The following AATF variants were observed in gnomAD, a reference collection of about 807,000 sequenced individuals.
The protein encoded by AATF is protein AATF.
A neutral mutation model predicts 63.7 loss-of-function variants in AATF; 48 were observed. That is an observed-to-expected ratio of 0.75 (90% CI 0.60 to 0.96). The LOEUF (loss-of-function observed/expected upper bound fraction) is 0.96, where lower values mean the gene tolerates loss of function less well. AATF is among the 40% of genes least tolerant of loss of function. AATF has a pLI of 0.00. For missense variants in AATF, 639 were observed against 685.7 expected (o/e 0.93, Z 0.76); for synonymous variants, 258 against 247.7 (o/e 1.04, Z -0.39).
intron 11 of AATF, among the ~76,000 whole-genome samples, chr17:37,047,308 G>A (rs1342220805): frequency 1.3e-5 from 2 of 151,838 alleles, no homozygotes; most frequent in African/African-American, 2.4e-5. Flanking sequence ...TTGCAAGTCC[G>A]CTAAGGTAAA....
At chr17:37,044,216 CA>C (rs2071669536) in intron 11 of AATF, among the ~76,000 whole-genome samples, 1 of 152,170 alleles carries the variant, frequency 6.6e-6, no homozygotes, top group Non-Finnish European at 1.5e-5. Flanking sequence ...CCTCTGCTTC[CA>C]TGTCACTTTG....
intron 4 of AATF, among the ~76,000 whole-genome samples, chr17:36,958,884 C>T (rs974878013): frequency 2.6e-5 from 4 of 152,174 alleles, no homozygotes; most frequent in Admixed American, 1.3e-4. Flanking sequence ...GTGGCTCATG[C>T]CTGTAATCCT....
chr17:37,044,035 T>C (rs1007136835), intron 11 of AATF, among the ~76,000 whole-genome samples: 17 of 152,138 alleles, frequency 1.1e-4, no homozygotes, highest in African/African-American at 4.1e-4. Context: ...CCAAAAAAAG[T>C]TGGGTAGAGG....
At chr17:36,996,094 A>G (rs1184761866) in intron 8 of AATF, among the ~76,000 whole-genome samples, 1 of 152,158 alleles carries the variant, frequency 6.6e-6, no homozygotes. Flanking sequence ...TTACGCATAG[A>G]TATTTACGGT....
chr17:36,989,483 G>A, intron 7 of AATF, 72 bp downstream of exon 7: 1 of 1,432,114 alleles, frequency 7.0e-7, no homozygotes, highest in Non-Finnish European at 9.4e-7. Flanking sequence ...AAAACTTGTA[G>A]CTATTACCTG....
intron 4 of AATF, among the ~76,000 whole-genome samples, chr17:36,969,727 C>T (rs576130356): frequency 1.6e-4 from 24 of 152,228 alleles, no homozygotes; most frequent in Middle Eastern, 6.8e-3. Flanking sequence ...TTATATACAC[C>T]CGGGAAACCA....
At chr17:36,984,290 A>G (rs1429793607) in intron 4 of AATF, among the ~76,000 whole-genome samples, 4 of 152,254 alleles carry the variant, frequency 2.6e-5, no homozygotes, top group Non-Finnish European at 5.9e-5. Flanking sequence ...GACAGTAAGA[A>G]TGGAAAACAC....
chr17:37,013,452 A>G lies in AATF; in HGVS notation c.1399-5553A>G, dbSNP rs553697970. 7.2e-5 allele frequency among the ~76,000 whole-genome samples: 11 copies of G among 152,312 alleles called. No homozygotes were observed. The East Asian group carries it at 2.1e-3, about 29-fold the overall frequency. The stretch of plus-strand genomic sequence containing the variant: ...CTGCTGCTGGGAATTTTGGGCTTCT[A>G]GTGGAAGCCTCAGGCTGCTTCTGTT... On this transcript the variant is annotated intron_variant, in intron 8 of 11. Transcript: ENST00000619387.
At chr17:37,009,560 G>C (rs1417821479) in intron 8 of AATF, among the ~76,000 whole-genome samples, 1 of 150,426 alleles carries the variant, frequency 6.6e-6, no homozygotes, top group African/African-American at 2.4e-5. Context: ...GCTCACGCCT[G>C]TAATCCCAGC....
chr17:36,988,665 G>A lies in AATF; in HGVS notation c.1094G>A (p.Arg365His), dbSNP rs754559104. 1.9e-5 allele frequency: 31 copies of A among 1,613,892 alleles called. No homozygotes were observed. The highest frequency in any genetic ancestry group is 1.7e-4 in the Middle Eastern group (1 of 6,058). The change falls in exon 6 of 12, where the codon CGC (arginine) becomes CAC (histidine). Residue 365 changes from arginine (R) to histidine (H), a missense_variant. Coordinates refer to ENST00000619387, the MANE Select transcript of AATF (RefSeq NM_012138.4). ...RFADFTVYRN[R>H]TLQKWHDKTK... ...GCCGACTTTACAGTCTACAGGAACC[G>A]CACACTTCAGAAATGGCACGATAAG... is the stretch of plus-strand genomic sequence containing the variant.
intron 8 of AATF, among the ~76,000 whole-genome samples, chr17:36,996,532 T>A (rs2071256370): frequency 6.6e-6 from 1 of 152,172 alleles, no homozygotes; most frequent in Non-Finnish European, 1.5e-5. Context: ...TCAAAGCAAA[T>A]ACCAGGGCCC....
intron 8 of AATF, among the ~76,000 whole-genome samples, chr17:37,012,433 A>AT (rs1243147900): frequency 6.6e-6 from 1 of 152,172 alleles, no homozygotes; most frequent in Non-Finnish European, 1.5e-5. Flanking sequence ...AAATAGATAC[A>AT]TTTTCACTAA....
chr17:37,042,677 C>G (rs2071651336), intron 11 of AATF, among the ~76,000 whole-genome samples: 1 of 151,432 alleles, frequency 6.6e-6, no homozygotes, highest in Non-Finnish European at 1.5e-5. Context: ...CTTGGCCTCC[C>G]AAAGTGCTAG....
At chr17:36,949,408 G>A (rs1254272429) in intron 1 of AATF, among the ~76,000 whole-genome samples, 192 bp downstream of exon 1, 12 of 152,268 alleles carry the variant, frequency 7.9e-5, no homozygotes, top group Admixed American at 5.2e-4. Flanking sequence ...ACACGCACTC[G>A]AAACTTGGTG....
rs142029790 is a variant in AATF at position 37,022,821 on chromosome 17, C to T, written c.1547+1807C>T. Reference sequence around the variant, plus strand: ...TAAGCACTGTACAAGTGTTTGTTGCCATTATTACTGTCATTATTATTGCTA... The same window carrying T: ...TAAGCACTGTACAAGTGTTTGTTGCTATTATTACTGTCATTATTATTGCTA... On this transcript the variant is annotated intron_variant, in intron 10 of 11. Transcript: ENST00000619387. 3.1e-3 allele frequency among the ~76,000 whole-genome samples: 469 copies of T among 152,196 alleles called. 3 individuals are homozygous for T. The highest frequency in any genetic ancestry group is 5.0e-3 in the Non-Finnish European group (339 of 68,020).
At chr17:36,974,864 T>G (rs1043315347) in intron 4 of AATF, among the ~76,000 whole-genome samples, 3 of 152,212 alleles carry the variant, frequency 2.0e-5, no homozygotes, top group African/African-American at 7.2e-5. Flanking sequence ...AATGCCACTC[T>G]AATTCTCCTT....
chr17:36,957,955 C>T (rs1270593900), intron 4 of AATF, among the ~76,000 whole-genome samples: 2 of 152,134 alleles, frequency 1.3e-5, no homozygotes, highest in Non-Finnish European at 2.9e-5. Context: ...TCTCCACACA[C>T]CACCCCAAAC....
chr17:36,948,993 C>A lies in AATF; in HGVS notation c.-133C>A. 2 of 834,128 alleles carry A rather than the reference C, an allele frequency of 2.4e-6. No homozygotes were observed. The highest frequency in any genetic ancestry group is 3.8e-6 in the Non-Finnish European group (2 of 533,008). 51.7% of individuals were successfully genotyped at this position (834,128 alleles called of 1,614,324 possible). The stretch of plus-strand genomic sequence containing the variant: ...TGGCCGGTCCAGAGCTGTGGGGTGG[C>A]CTCCGCGCGGTCTCTGGCGGAGTCG... On this transcript the variant is annotated 5_prime_UTR_variant, in exon 1 of 12. Transcript: ENST00000619387.
At chr17:37,045,321 A>G (rs1272436790) in intron 11 of AATF, 1 of 152,290 alleles carries the variant, frequency 6.6e-6, no homozygotes, top group Non-Finnish European at 1.5e-5. Flanking sequence ...TTTCTTCTAC[A>G]ATATAGATGA....
Sources: gnomAD v4.1 joint callset for allele counts (sites outside exome capture counted in the v4.1 genomes callset) on GRCh38, gnomAD v4.1.1 for gene constraint, MANE v1.5 for transcripts, NCBI Gene and HGNC (gene_info 2026-07-23, HGNC 2026-07-21) for gene names.